The following AMBRA1 variants were observed in gnomAD, a reference collection of about 807,000 sequenced individuals.
The protein encoded by AMBRA1 is activating molecule in BECN1-regulated autophagy protein 1.
A neutral mutation model predicts 125.4 loss-of-function variants in AMBRA1; 47 were observed. That is an observed-to-expected ratio of 0.37 (90% CI 0.30 to 0.48). The LOEUF is 0.48. Among genes scored for constraint, AMBRA1 ranks in the 20% least tolerant of loss-of-function variants. The probability of loss-of-function intolerance (pLI) is 0.99; values close to 1 mark genes in which losing one functional copy is unlikely to be tolerated. For synonymous variants in AMBRA1, 626 were observed against 655.5 expected (o/e 0.95, Z 0.69); for missense variants, 1,331 against 1,693.4 (o/e 0.79, Z 3.76).
chr11:46,547,435 A>G (rs1288842375), intron 3 of AMBRA1, 139 bp from the exon 4 acceptor site: 7 of 730,890 alleles, frequency 9.6e-6, no homozygotes, highest in East Asian at 2.7e-5. Context: ...GTTAGGCAGT[A>G]TATCTACAAA....
chr11:46,433,497 G>A lies in AMBRA1; in HGVS notation c.2953C>T (p.His985Tyr), dbSNP rs772421911. The change falls in exon 14 of 18, where the codon CAT becomes TAT. Residue 985 changes from histidine (H) to tyrosine (Y), a missense_variant. Around this residue, in one of 4 missense-constraint regions of AMBRA1, gnomAD observed 354 missense variants for 532.7 expected, o/e 0.66. Coordinates refer to ENST00000683756, the MANE Select transcript of AMBRA1 (RefSeq NM_001387011.1). ...VAQVFRLQQA[H>Y]GGETSMRRVF... is the part of the protein sequence containing the mutation. ...ACCCTCATGGAGGTCTCTCCACCAT[G>A]GGCCTGTTGCAGCCTGAAGACCTGG... The A allele has an allele frequency of 2.5e-6, 4 of 1,614,044 alleles. No individual in the cohort carries two copies. The East Asian group carries it at 8.9e-5, about 36-fold the overall frequency.
rs1480294188 is a variant in AMBRA1 at position 46,562,492 on chromosome 11, C to T, written c.-120-13992G>A. 2.6e-5 allele frequency among the ~76,000 whole-genome samples: 4 copies of T among 152,236 alleles called. No individual in the cohort carries two copies. The South Asian group carries it at 6.2e-4, about 24-fold the overall frequency. ...GCAATATAAGAGATGAATAGTCATACTCAGAATATATTTTGGAGAAACAGC... is the reference window on the plus strand; with the variant it reads ...GCAATATAAGAGATGAATAGTCATATTCAGAATATATTTTGGAGAAACAGC... On this transcript the variant is annotated intron_variant, in intron 1 of 17. Coordinates refer to ENST00000683756, the MANE Select transcript of AMBRA1 (RefSeq NM_001387011.1).
intron 9 of AMBRA1, among the ~76,000 whole-genome samples, chr11:46,503,919 G>A (rs1950934679): frequency 1.3e-5 from 2 of 152,114 alleles, no homozygotes; most frequent in African/African-American, 4.8e-5. Context: ...GGCTGGTCTC[G>A]AACTCCTGGG....
Position 46,408,496 on chromosome 11 carries a change from C to A in AMBRA1, c.3403+17G>T. On this transcript the variant is annotated intron_variant, in intron 17 of 17. Transcript: ENST00000683756. ...AGGGTCCCTCTCCCACCCCCTCCAG[C>A]GCCACATGGCTCCTACCTTCACCAG... 6.6e-7 allele frequency: 1 copy of A among 1,510,368 alleles called. No homozygotes were observed. 93.6% of individuals were successfully genotyped at this position (1,510,368 alleles called of 1,614,324 possible).
chr11:46,586,447 C>CT lies in AMBRA1; in HGVS notation c.-121+7380dup, dbSNP rs956085367. 3.3e-5 allele frequency among the ~76,000 whole-genome samples: 5 copies of CT among 151,592 alleles called. No individual in the cohort carries two copies. The South Asian group carries it at 6.3e-4, about 19-fold the overall frequency. On this transcript the variant is annotated intron_variant, in intron 1 of 17. Transcript: ENST00000683756. ...TTAAAAATAAAGATCCATCTTTTTACTTTTTTTTTCCTAGCTAGGATTTGA... is the reference window on the plus strand; with the variant it reads ...TTAAAAATAAAGATCCATCTTTTTACTTTTTTTTTTCCTAGCTAGGATTTGA...
At chr11:46,569,523 A>G (rs1385008855) in intron 1 of AMBRA1, among the ~76,000 whole-genome samples, 1 of 151,080 alleles carries the variant, frequency 6.6e-6, no homozygotes, top group African/African-American at 2.4e-5. Context: ...AACCTAGCAG[A>G]TGTTTACCAT....
rs749771017 is a variant in AMBRA1 at position 46,542,900 on chromosome 11, T to C, written c.1117A>G (p.Thr373Ala). 3.5e-5 allele frequency: 57 copies of C among 1,612,178 alleles called. No homozygotes were observed. Among genetic ancestry groups the C allele is most frequent in the Non-Finnish European group, 2.5e-5 (30 of 1,179,892 alleles). Residue 373 changes from threonine (T) to alanine (A), a missense_variant, in exon 7 of 18, where the codon ACA becomes GCA. Physicochemically the swap from Thr to Ala is moderately conservative, Grantham distance 58. This residue lies in a region of AMBRA1 where 689 missense variants were observed against 776.5 expected (regional missense o/e 0.89). Transcript: ENST00000683756. This position sits in a 1 kb window ranked among gnomAD's most constrained non-coding sequence, Gnocchi z 5.9. ...GLLNRPSAFS[T>A]VQSSTAGNTL... ...TTGCCGGCAGTGCTGCTCTGGACTG[T>C]ACTGAAGGCAGACGGCCGGTTCAGG... is the stretch of plus-strand genomic sequence containing the variant.
chr11:46,460,752 C>T (rs1949062545), intron 11 of AMBRA1, among the ~76,000 whole-genome samples: 1 of 152,008 alleles, frequency 6.6e-6, no homozygotes, highest in Non-Finnish European at 1.5e-5. Flanking sequence ...TCAAAGGGGT[C>T]AAAGGAACTT....
chr11:46,559,261 C>T (rs1490878455), intron 1 of AMBRA1, among the ~76,000 whole-genome samples: 1 of 151,832 alleles, frequency 6.6e-6, no homozygotes, highest in Non-Finnish European at 1.5e-5. Context: ...GATCACGCCA[C>T]TGTACTCCGC....
At chr11:46,510,853 C>G (rs1951228512) in intron 8 of AMBRA1, among the ~76,000 whole-genome samples, 1 of 152,148 alleles carries the variant, frequency 6.6e-6, no homozygotes, top group Non-Finnish European at 1.5e-5. Flanking sequence ...AAACAACCAG[C>G]AATGAGGTAG....
intron 7 of AMBRA1, among the ~76,000 whole-genome samples, chr11:46,536,228 T>C (rs1227835152): frequency 6.6e-6 from 1 of 152,236 alleles, no homozygotes; most frequent in Non-Finnish European, 1.5e-5. Context: ...GGCCAGGTAG[T>C]ATTCTAGGTA....
At chr11:46,443,674 G>A (rs1280922110) in intron 11 of AMBRA1, 76 bp from the exon 12 acceptor site, 7 of 1,249,736 alleles carry the variant, frequency 5.6e-6, no homozygotes, top group South Asian at 3.9e-5. Context: ...AAACAATACT[G>A]GGATTAGTAG....
intron 15 of AMBRA1, among the ~76,000 whole-genome samples, chr11:46,413,593 T>A (rs577032747): frequency 6.6e-6 from 1 of 152,014 alleles, no homozygotes. Flanking sequence ...CAGATTCGAG[T>A]GATTTTCCTG....
At chr11:46,457,403 T>G (rs1948894986) in intron 11 of AMBRA1, among the ~76,000 whole-genome samples, 1 of 152,192 alleles carries the variant, frequency 6.6e-6, no homozygotes, top group Non-Finnish European at 1.5e-5. Context: ...AACTTCACAT[T>G]CACCTTGGAA....
At chr11:46,508,964 G>C (rs527477753) in intron 8 of AMBRA1, among the ~76,000 whole-genome samples, 2 of 152,232 alleles carry the variant, frequency 1.3e-5, no homozygotes, top group African/African-American at 4.8e-5. Flanking sequence ...TCTCCCTTAA[G>C]AATTAGTCAT....
intron 1 of AMBRA1, among the ~76,000 whole-genome samples, chr11:46,559,337 T>C (rs573453665): frequency 6.6e-6 from 1 of 151,858 alleles, no homozygotes; most frequent in African/African-American, 2.4e-5. Context: ...AAGACAAGGC[T>C]TTGCACCATT....
At chr11:46,444,037 C>T (rs765429181) in intron 11 of AMBRA1, among the ~76,000 whole-genome samples, 64 of 152,082 alleles carry the variant, frequency 4.2e-4, no homozygotes, top group African/African-American at 1.4e-3. Flanking sequence ...CTCTTTCAGA[C>T]AAAGTATCTC....
chr11:46,460,085 T>C (rs1949032425), intron 11 of AMBRA1, among the ~76,000 whole-genome samples: 1 of 152,198 alleles, frequency 6.6e-6, no homozygotes, highest in African/African-American at 2.4e-5. Flanking sequence ...TGTGTAAACA[T>C]CTTAGAGAAG....
intron 17 of AMBRA1, among the ~76,000 whole-genome samples, chr11:46,408,110 T>C (rs1018626545): frequency 2.0e-5 from 3 of 152,104 alleles, no homozygotes; most frequent in Admixed American, 1.3e-4. Flanking sequence ...GGTCCTCCCA[T>C]GGGGCAGTCC....
Sources: allele counts gnomAD v4.1 joint callset (sites outside exome capture counted in the v4.1 genomes callset), GRCh38; gene constraint gnomAD v4.1.1; regional missense constraint gnomAD v4.1.1; non-coding constraint Gnocchi (gnomAD v3.1); transcripts MANE v1.5; gene names NCBI Gene and HGNC (gene_info 2026-07-23, HGNC 2026-07-21).